The following ZNF804B variants were observed in gnomAD, a reference collection of about 807,000 sequenced individuals.
ZNF804B encodes zinc finger protein 804B.
Under a neutral mutation model 101.4 loss-of-function variants are expected in ZNF804B, and 80 were observed. That is an observed-to-expected ratio of 0.79 (90% CI 0.66 to 0.95). The LOEUF is 0.95. Ranked by LOEUF, ZNF804B falls within the 40% of genes least tolerant of loss-of-function variation. ZNF804B has a pLI of 0.00. For synonymous variants in ZNF804B, 622 were observed against 558.8 expected (o/e 1.11, Z -1.59); for missense variants, 1,673 against 1,561.9 (o/e 1.07, Z -1.20).
intron 1 of ZNF804B, among the ~76,000 whole-genome samples, chr7:89,071,212 G>C (rs1583969460): frequency 6.6e-6 from 1 of 151,970 alleles, no homozygotes; most frequent in Non-Finnish European, 1.5e-5. Context: ...TTTGATCTGA[G>C]GTTGGTTCAC....
At chr7:89,306,992 C>T (rs975020405) in intron 2 of ZNF804B, among the ~76,000 whole-genome samples, 1 of 151,918 alleles carries the variant, frequency 6.6e-6, no homozygotes, top group African/African-American at 2.4e-5. Flanking sequence ...AAATTACCCT[C>T]TAAAAGGACT....
At chr7:89,090,749 A>G (rs6953704) in intron 1 of ZNF804B, among the ~76,000 whole-genome samples, 67,313 of 151,812 alleles carry the variant, frequency 0.44, 15,736 homozygotes, top group Non-Finnish European at 0.52. Flanking sequence ...CAAAAAATAC[A>G]AAAATACTAT....
intron 1 of ZNF804B, among the ~76,000 whole-genome samples, chr7:89,049,661 A>G (rs1414715870): frequency 6.6e-6 from 1 of 152,166 alleles, no homozygotes; most frequent in Non-Finnish European, 1.5e-5. Context: ...ATTAAAAAAA[A>G]AAATACTGCA....
chr7:89,274,435 T>A (rs2115847898), intron 2 of ZNF804B, among the ~76,000 whole-genome samples: 1 of 147,474 alleles, frequency 6.8e-6, no homozygotes, highest in South Asian at 2.2e-4. Context: ...CTTGTGATAG[T>A]TTACTGAGAA....
chr7:88,786,451 A>G (rs544039224), intron 1 of ZNF804B, among the ~76,000 whole-genome samples: 1 of 152,168 alleles, frequency 6.6e-6, no homozygotes, highest in Admixed American at 6.6e-5. Context: ...TTTTCTCTTT[A>G]CTGAATGCAG....
chr7:89,014,579 G>T (rs573056056), intron 1 of ZNF804B, among the ~76,000 whole-genome samples: 3 of 152,198 alleles, frequency 2.0e-5, no homozygotes, highest in Non-Finnish European at 4.4e-5. Context: ...GCCTCCCAAA[G>T]TGCTGGGATT....
intron 2 of ZNF804B, among the ~76,000 whole-genome samples, chr7:89,279,608 A>T: frequency 6.6e-6 from 1 of 152,144 alleles, no homozygotes; most frequent in Non-Finnish European, 1.5e-5. Flanking sequence ...TATTGAGATA[A>T]TCTTGTGGTT....
chr7:88,932,293 A>C (rs1052748743), intron 1 of ZNF804B, among the ~76,000 whole-genome samples: 7 of 151,892 alleles, frequency 4.6e-5, no homozygotes, highest in Non-Finnish European at 8.8e-5. Context: ...TACATCAAAA[A>C]GTCTGAAAGA....
At position 88,962,506 on chromosome 7, in the gene ZNF804B, G is replaced by C. The variant is rs542656285; in HGVS notation, c.108+202422G>C. Among the ~76,000 whole-genome samples, 402 of 150,614 alleles carry C rather than the reference G, an allele frequency of 2.7e-3. 5 individuals are homozygous for C. The highest frequency in any genetic ancestry group is 9.4e-3 in the African/African-American group (388 of 41,240). On this transcript the variant is annotated intron_variant, in intron 1 of 3. Coordinates refer to ENST00000333190, the MANE Select transcript of ZNF804B (RefSeq NM_181646.5). ...GCACAGAAAGAAGAGTTCCTAACGA[G>C]GTGGCTGCGAATCGATAATTAGAAG...
chr7:89,024,916 T>C (rs1434014495), intron 1 of ZNF804B, among the ~76,000 whole-genome samples: 1 of 151,934 alleles, frequency 6.6e-6, no homozygotes, highest in Non-Finnish European at 1.5e-5. Context: ...CAAACAAAAA[T>C]GGTCCACATT....
At chr7:89,101,841 T>G (rs1790060213) in intron 1 of ZNF804B, among the ~76,000 whole-genome samples, 2 of 151,930 alleles carry the variant, frequency 1.3e-5, no homozygotes, top group South Asian at 4.1e-4. Flanking sequence ...TAGGTAATTT[T>G]TTAATCCTCA....
At chr7:89,171,288 G>GCTGCTGCTTCTTCTTCTTCTT (rs1215246589) in intron 1 of ZNF804B, among the ~76,000 whole-genome samples, 50 of 82,534 alleles carry the variant, frequency 6.1e-4, no homozygotes, top group African/African-American at 2.2e-3. Flanking sequence ...TGCTGCTGCT[G>GCTGCTGCTTCTTCTTCTTCTT]CTTCTTCTTC....
At chr7:89,003,781 C>T (rs939532882) in intron 1 of ZNF804B, among the ~76,000 whole-genome samples, 1 of 151,802 alleles carries the variant, frequency 6.6e-6, no homozygotes, top group Non-Finnish European at 1.5e-5. Flanking sequence ...TTCAATTTTT[C>T]GACTTATAAA....
intron 1 of ZNF804B, among the ~76,000 whole-genome samples, chr7:88,955,503 A>G (rs1382186984): frequency 1.3e-5 from 2 of 151,714 alleles, no homozygotes; most frequent in African/African-American, 2.4e-5. Context: ...ACTTTTCTGT[A>G]ATCCAAATCC....
intron 1 of ZNF804B, among the ~76,000 whole-genome samples, chr7:88,799,325 T>C (rs748128962): frequency 7.1e-6 from 1 of 140,662 alleles, no homozygotes; most frequent in Non-Finnish European, 1.5e-5. Context: ...CCCTATATGA[T>C]AGATAGAATC....
chr7:88,951,300 A>C (rs376776382), intron 1 of ZNF804B, among the ~76,000 whole-genome samples: 2 of 151,910 alleles, frequency 1.3e-5, no homozygotes, highest in East Asian at 3.9e-4. Context: ...ATAGGTATGC[A>C]CTTGCAGACA....
chr7:88,826,739 A>C (rs1791056522), intron 1 of ZNF804B, among the ~76,000 whole-genome samples: 1 of 152,134 alleles, frequency 6.6e-6, no homozygotes, highest in African/African-American at 2.4e-5. Flanking sequence ...TTTTTAAATG[A>C]AAAATGATGA....
rs564229138 is a variant in ZNF804B, at chr7:88,883,466, T to C, written c.108+123382T>C. On this transcript the variant is annotated intron_variant, in intron 1 of 3. Transcript: ENST00000333190. Reference sequence around the variant, plus strand: ...ATGGAAAGTGAGTGGAAGGCAATTATTGGTCCTGACTCATAAAACCTTACT... The same window carrying C: ...ATGGAAAGTGAGTGGAAGGCAATTACTGGTCCTGACTCATAAAACCTTACT... 1.3e-3 allele frequency among the ~76,000 whole-genome samples: 194 copies of C among 152,212 alleles called. 3 individuals carry two copies. In the South Asian group the frequency reaches 0.039, roughly 30 times the overall value.
At chr7:89,274,107 C>T (rs1562933761) in intron 2 of ZNF804B, among the ~76,000 whole-genome samples, 1 of 151,656 alleles carries the variant, frequency 6.6e-6, no homozygotes, top group Non-Finnish European at 1.5e-5. Flanking sequence ...ATCGGCAGCA[C>T]TATCTCCCTG....
Sources: gnomAD v4.1 joint callset for allele counts (sites outside exome capture counted in the v4.1 genomes callset) on GRCh38, gnomAD v4.1.1 for gene constraint, MANE v1.5 for transcripts, NCBI Gene and HGNC (gene_info 2026-07-23, HGNC 2026-07-21) for gene names.